The following MACF1 variants were observed in gnomAD, a reference collection of about 807,000 sequenced individuals.
MACF1 encodes the protein microtubule actin crosslinking factor 1.
In MACF1, 193 loss-of-function variants were observed where a neutral mutation model predicts 854.8. The observed-to-expected ratio is 0.23, with a 90% CI of 0.20 to 0.25. MACF1 has a LOEUF of 0.25. MACF1 is among the 10% of genes least tolerant of loss of function. The probability of loss-of-function intolerance (pLI) is 1.00; values close to 1 mark genes in which losing one functional copy is unlikely to be tolerated. For synonymous variants in MACF1, 3,185 were observed against 3,226.7 expected, an observed-to-expected ratio of 0.99 and a Z score of 0.44; for missense variants, 7,722 against 8,929.1, an observed-to-expected ratio of 0.86 and a Z score of 5.45.
intron 2 of MACF1, among the ~76,000 whole-genome samples, chr1:39,167,508 A>G (rs1293615680): frequency 6.6e-6 from 1 of 151,882 alleles, no homozygotes; most frequent in African/African-American, 2.4e-5. Flanking sequence ...GGAGTTCAAG[A>G]CCAGCCTGAC....
intron 2 of MACF1, among the ~76,000 whole-genome samples, chr1:39,094,895 C>G (rs1338666815): frequency 1.3e-5 from 2 of 151,896 alleles, no homozygotes; most frequent in Non-Finnish European, 2.9e-5. Flanking sequence ...GATCTCAAAA[C>G]AAACAAAACA....
chr1:39,167,089 G>A (rs1409961112), intron 2 of MACF1, among the ~76,000 whole-genome samples: 2 of 151,930 alleles, frequency 1.3e-5, no homozygotes, highest in African/African-American at 4.8e-5. Flanking sequence ...AGCCTCCCGA[G>A]TAGCTGGGAT....
chr1:39,348,431 T>C (rs16826091), intron 41 of MACF1, among the ~76,000 whole-genome samples: 1,622 of 152,338 alleles, frequency 0.011, 35 homozygotes, highest in African/African-American at 0.037. Context: ...ACCTTGTTAT[T>C]GTCAGAAATG....
chr1:39,440,124 T>TTTTA, intron 72 of MACF1, among the ~76,000 whole-genome samples: 1 of 140,198 alleles, frequency 7.1e-6, no homozygotes, highest in African/African-American at 2.7e-5. Flanking sequence ...TTTTTTTTTT[T>TTTTA]TTTTTGGAGA....
intron 2 of MACF1, among the ~76,000 whole-genome samples, chr1:39,100,984 C>T (rs994180855): frequency 1.3e-5 from 2 of 152,154 alleles, no homozygotes; most frequent in Non-Finnish European, 2.9e-5. Context: ...TGGTCTTGAA[C>T]TCCTGGGCTC....
chr1:39,327,465 A>C, intron 36 of MACF1, 112 bp downstream of exon 36: 1 of 1,150,392 alleles, frequency 8.7e-7, no homozygotes. Context: ...AATGTGACTT[A>C]ATTTTTAACC....
intron 23 of MACF1, 76 bp from the exon 24 acceptor site, chr1:39,309,494 C>G: frequency 1.9e-6 from 3 of 1,557,326 alleles, no homozygotes; most frequent in Non-Finnish European, 2.6e-6. Flanking sequence ...AAGGCAATCA[C>G]ATTTTTCCTT....
intron 80 of MACF1, among the ~76,000 whole-genome samples, chr1:39,445,697 C>G (rs12565894): frequency 6.6e-6 from 1 of 152,198 alleles, no homozygotes; most frequent in South Asian, 2.1e-4. Context: ...TGGTGGCTCA[C>G]GCCTGTAATT....
In MACF1 at chr1:39,253,376, C is replaced by T. The variant is rs193050068; in HGVS notation, c.358-922C>T. On this transcript the variant is annotated intron_variant, in intron 4 of 100. Transcript: ENST00000564288. ...ATTTCATGCTGGAGTAAAGGGTGCCCTTCCTTCAGTGGCAGCTATGTTCCT... is the reference window on the plus strand; with the variant it reads ...ATTTCATGCTGGAGTAAAGGGTGCCTTTCCTTCAGTGGCAGCTATGTTCCT... Among the ~76,000 whole-genome samples, 20 of 152,242 alleles carry T rather than the reference C, an allele frequency of 1.3e-4. No homozygotes were observed. The East Asian group carries it at 3.5e-3, about 26-fold the overall frequency.
chr1:39,452,127 C>G, intron 85 of MACF1, 29 bp from the exon 86 acceptor site: 1 of 1,552,624 alleles, frequency 6.4e-7, no homozygotes, highest in Non-Finnish European at 8.7e-7. Context: ...ATTCCTTGAA[C>G]AAACAAATTC....
rs993804503 is a variant in MACF1, at chr1:39,105,920, G to C, written c.220+21482G>C. 2.0e-5 allele frequency among the ~76,000 whole-genome samples: 3 copies of C among 152,208 alleles called. No individual in the cohort carries two copies. Among genetic ancestry groups the C allele is most frequent in the Non-Finnish European group, 2.9e-5 (2 of 68,032 alleles). On this transcript the variant is annotated intron_variant, in intron 2 of 93. Transcript: ENST00000361689. This position sits in a 1 kb window ranked among gnomAD's most constrained non-coding sequence, Gnocchi z 5.9. The stretch of plus-strand genomic sequence containing the variant: ...TTCGGAAACCGCCCCCGGGGCAGTC[G>C]GCGCGCTCAGAGCGCCAGTTACATG...
chr1:39,317,415 G>T lies in MACF1; in HGVS notation c.3782+8G>T. On this transcript the variant is annotated splice_region_variant and intron_variant, in intron 29 of 100. Coordinates refer to ENST00000564288, the MANE Select transcript of MACF1 (RefSeq NM_001394062.1). ...TGCCCAGCTCGAGATTCGGTGAGTGGTGGCCCCACCTTTTTCTCCTATTAG... is the reference window on the plus strand; with the variant it reads ...TGCCCAGCTCGAGATTCGGTGAGTGTTGGCCCCACCTTTTTCTCCTATTAG... The T allele has an allele frequency of 6.2e-7, 1 of 1,611,048 alleles. No individual in the cohort carries two copies. The highest frequency in any genetic ancestry group is 8.5e-7 in the Non-Finnish European group (1 of 1,179,266).
chr1:39,256,997 G>A (rs1017967360), intron 5 of MACF1, among the ~76,000 whole-genome samples: 4 of 151,910 alleles, frequency 2.6e-5, no homozygotes, highest in African/African-American at 9.7e-5. Flanking sequence ...TGGTGAGAAA[G>A]CAAAATGGCG....
At chr1:39,097,649 G>A (rs1382120334) in intron 2 of MACF1, among the ~76,000 whole-genome samples, 6 of 152,108 alleles carry the variant, frequency 3.9e-5, no homozygotes, top group Non-Finnish European at 7.3e-5. Flanking sequence ...TTGAGCCTGG[G>A]AGGTTGAGGC....
intron 6 of MACF1, among the ~76,000 whole-genome samples, chr1:39,280,067 T>A (rs1645512689): frequency 6.7e-6 from 1 of 149,720 alleles, no homozygotes; most frequent in Non-Finnish European, 1.5e-5. Context: ...CCAGAATACT[T>A]TTTTTTTTTG....
chr1:39,443,650 A>C (rs1006331020), intron 79 of MACF1, 76 bp downstream of exon 79: 6 of 1,417,398 alleles, frequency 4.2e-6, no homozygotes, highest in Non-Finnish European at 5.7e-6. Flanking sequence ...AGTCATAATT[A>C]ATATGTATCT....
intron 2 of MACF1, among the ~76,000 whole-genome samples, chr1:39,141,857 T>A (rs1405708356): frequency 6.6e-6 from 1 of 152,156 alleles, no homozygotes; most frequent in Non-Finnish European, 1.5e-5. Context: ...AACTAGAAGA[T>A]AATGGAAAGT....
intron 2 of MACF1, among the ~76,000 whole-genome samples, chr1:39,177,999 G>T (rs1278864442): frequency 6.6e-6 from 1 of 151,860 alleles, no homozygotes; most frequent in Non-Finnish European, 1.5e-5. Flanking sequence ...CACCGAGAGG[G>T]GGATTTCCGC....
chr1:39,269,435 A>G, intron 6 of MACF1: 1 of 1,289,792 alleles, frequency 7.8e-7, no homozygotes, highest in Non-Finnish European at 1.0e-6. Context: ...CTGTTTCTTC[A>G]TTACTACTGG....
Sources: allele counts gnomAD v4.1 joint callset (sites outside exome capture counted in the v4.1 genomes callset), GRCh38; gene constraint gnomAD v4.1.1; non-coding constraint Gnocchi (gnomAD v3.1); transcripts MANE v1.5; gene names NCBI Gene and HGNC (gene_info 2026-07-23, HGNC 2026-07-21).